ELOVL6: variants seen among roughly 807,000 people sequenced by gnomAD.
ELOVL6 encodes ELOVL fatty acid elongase 6, also known as very long chain fatty acid elongase 6.
Under a neutral mutation model 31.7 loss-of-function variants are expected in ELOVL6, and 8 were observed. That is an observed-to-expected ratio of 0.25 (90% confidence interval 0.15 to 0.45). The LOEUF is 0.45. Among genes scored for constraint, ELOVL6 ranks in the 20% least tolerant of loss-of-function variants. The pLI is 1.00. For synonymous variants in ELOVL6, 101 were observed against 117.7 expected (o/e 0.86, Z 0.92); for missense variants, 126 against 326.4 (o/e 0.39, Z 4.73).
intron 1 of ELOVL6, among the ~76,000 whole-genome samples, chr4:110,163,895 G>T (rs1307342587): frequency 6.6e-6 from 1 of 152,090 alleles, no homozygotes; most frequent in Non-Finnish European, 1.5e-5. Context: ...TTATCAGGTG[G>T]GTAAATCTGA....
chr4:110,111,767 G>A (rs1757041879), intron 1 of ELOVL6, among the ~76,000 whole-genome samples: 1 of 152,156 alleles, frequency 6.6e-6, no homozygotes, highest in Non-Finnish European at 1.5e-5. Flanking sequence ...ATGGAGTTAG[G>A]TGTGAGCTAA....
At chr4:110,170,319 G>T (rs979523651) in intron 1 of ELOVL6, among the ~76,000 whole-genome samples, 6 of 152,142 alleles carry the variant, frequency 3.9e-5, no homozygotes, top group Non-Finnish European at 7.3e-5. Context: ...CAAGATAAAG[G>T]CTTGAACTTT....
intron 1 of ELOVL6, among the ~76,000 whole-genome samples, chr4:110,118,610 C>A (rs1757255006): frequency 6.6e-6 from 1 of 152,104 alleles, no homozygotes; most frequent in African/African-American, 2.4e-5. Context: ...AATAAAATTC[C>A]ATTATATCAC....
rs368584508 is a variant in ELOVL6, at chr4:110,060,606, AAC to A, written c.222-854_222-853del. ...GTTCTGGAACACATTAGGCTCAAGA[AAC>A]ACAACCTGCCATGGGAAAGCACTTG... On this transcript the variant is annotated intron_variant, in intron 2 of 3. Coordinates refer to ENST00000302274, the MANE Select transcript of ELOVL6 (RefSeq NM_024090.3). Among the ~76,000 whole-genome samples, 751 of 152,342 alleles carry A rather than the reference AAC, an allele frequency of 4.9e-3. 10 individuals are homozygous for A. The highest frequency in any genetic ancestry group is 0.017 in the African/African-American group (711 of 41,568).
intron 3 of ELOVL6, among the ~76,000 whole-genome samples, chr4:110,057,263 G>A (rs1755012073): frequency 6.6e-6 from 1 of 151,940 alleles, no homozygotes; most frequent in South Asian, 2.1e-4. Flanking sequence ...TTAAAGGTCG[G>A]AAGTCCAGTC....
intron 1 of ELOVL6, among the ~76,000 whole-genome samples, chr4:110,163,179 G>C: frequency 6.6e-6 from 1 of 152,302 alleles, no homozygotes; most frequent in Non-Finnish European, 1.5e-5. Flanking sequence ...GTTCACCTGA[G>C]GGGGCTTTGT....
intron 1 of ELOVL6, chr4:110,197,986 C>CAT (rs1759864276): frequency 5.3e-6 from 3 of 566,274 alleles, no homozygotes; most frequent in Admixed American, 6.1e-5. Context: ...TGTGCACACA[C>CAT]ATATGTTCTG....
intron 2 of ELOVL6, among the ~76,000 whole-genome samples, chr4:110,084,176 AT>A (rs1756063353): frequency 9.7e-6 from 1 of 103,464 alleles, no homozygotes; most frequent in Non-Finnish European, 2.0e-5. Context: ...GATATATATG[AT>A]ATATATAACA....
rs189832136 is a variant in ELOVL6, at chr4:110,063,768, T to G, written c.222-4014A>C. The stretch of plus-strand genomic sequence containing the variant: ...CATACTTTAAAAAAAAAAAAGAAAA[T>G]AAAAGAAAAAAAGAAATATACCATA... On this transcript the variant is annotated intron_variant, in intron 2 of 3. Transcript: ENST00000302274. 7.0e-3 allele frequency among the ~76,000 whole-genome samples: 1,004 copies of G among 143,268 alleles called. 17 individuals carry two copies. Among genetic ancestry groups the G allele is most frequent in the African/African-American group, 0.024 (944 of 38,642 alleles). The allele number at this position is 143,268 out of a possible 152,430, so 94.0% of individuals were successfully genotyped here. A position where few individuals can be genotyped will look rare whatever the true frequency, so the allele number is the denominator to read the frequency against.
At chr4:110,080,011 G>A (rs1755782564) in intron 2 of ELOVL6, among the ~76,000 whole-genome samples, 1 of 152,066 alleles carries the variant, frequency 6.6e-6, no homozygotes, top group Admixed American at 6.5e-5. Context: ...TAAATTCCTC[G>A]ACACATACAC....
intron 2 of ELOVL6, among the ~76,000 whole-genome samples, chr4:110,103,690 G>A (rs1756812996): frequency 6.6e-6 from 1 of 152,084 alleles, no homozygotes; most frequent in South Asian, 2.1e-4. Context: ...CCAGGCCAGA[G>A]GAAGCTCTAT....
intron 2 of ELOVL6, among the ~76,000 whole-genome samples, chr4:110,084,188 T>TATGTG (rs1756068256): frequency 1.3e-5 from 1 of 78,020 alleles, no homozygotes; most frequent in African/African-American, 5.6e-5. Context: ...ATATATAACA[T>TATGTG]ATAACTTATA....
At chr4:110,198,652 A>G (rs962967087), upstream of ELOVL6, 5 of 267,032 alleles carry the variant, frequency 1.9e-5, no homozygotes, top group South Asian at 1.0e-4. Flanking sequence ...TTACTCGTCT[A>G]CAGGGAAATC....
chr4:110,111,051 A>C (rs1757020646), intron 1 of ELOVL6, among the ~76,000 whole-genome samples: 1 of 152,226 alleles, frequency 6.6e-6, no homozygotes, highest in Non-Finnish European at 1.5e-5. Flanking sequence ...GCCATAAGCA[A>C]AGTAGAGTTA....
At chr4:110,151,555 G>T (rs1379953812) in intron 1 of ELOVL6, among the ~76,000 whole-genome samples, 1 of 152,010 alleles carries the variant, frequency 6.6e-6, no homozygotes, top group South Asian at 2.1e-4. Context: ...TCAGTATTTG[G>T]GTTTGACCTA....
intron 1 of ELOVL6, chr4:110,117,903 A>AAAATATATAT: frequency 1.5e-4 from 1 of 6,500 alleles, no homozygotes; most frequent in African/African-American, 3.3e-4. Context: ...AAAAAAAAAA[A>AAAATATATAT]ATATATATAT....
chr4:110,083,540 C>G (rs1755951077), intron 2 of ELOVL6, among the ~76,000 whole-genome samples: 1 of 151,588 alleles, frequency 6.6e-6, no homozygotes, highest in Non-Finnish European at 1.5e-5. Context: ...GATCCTGACA[C>G]AGAGATAGTA....
At chr4:110,117,901 A>ATATAT (rs1159594242) in intron 1 of ELOVL6, 1 of 4,706 alleles carries the variant, frequency 2.1e-4, no homozygotes, top group Non-Finnish European at 3.8e-4. Context: ...AAAAAAAAAA[A>ATATAT]AAATATATAT....
intron 2 of ELOVL6, among the ~76,000 whole-genome samples, chr4:110,098,325 T>C (rs1756648991): frequency 6.6e-6 from 1 of 152,200 alleles, no homozygotes; most frequent in African/African-American, 2.4e-5. Flanking sequence ...TTGCTTTACT[T>C]ATGCACCACC....
Sources: allele counts gnomAD v4.1 joint callset (sites outside exome capture counted in the v4.1 genomes callset), GRCh38; gene constraint gnomAD v4.1.1; transcripts MANE v1.5; gene names NCBI Gene and HGNC (gene_info 2026-07-23, HGNC 2026-07-21).